The following DNAJB12 variants were observed in gnomAD, a reference collection of about 807,000 sequenced individuals.
DNAJB12 encodes DnaJ heat shock protein family (Hsp40) member B12.
Under a neutral mutation model 40.6 loss-of-function variants are expected in DNAJB12, and 14 were observed. That is an observed-to-expected ratio of 0.34 (90% CI 0.23 to 0.54). DNAJB12 has a LOEUF of 0.54. Ranked by LOEUF, DNAJB12 falls within the 20% of genes least tolerant of loss-of-function variation. DNAJB12 has a pLI of 0.92. For synonymous variants in DNAJB12, 181 were observed against 199.5 expected, an observed-to-expected ratio of 0.91 and a Z score of 0.78; for missense variants, 444 against 501.7, an observed-to-expected ratio of 0.89 and a Z score of 1.10.
chr10:72,344,482 G>T (rs1333212447), intron 2 of DNAJB12, among the ~76,000 whole-genome samples: 1 of 152,218 alleles, frequency 6.6e-6, no homozygotes, highest in Admixed American at 6.5e-5. Flanking sequence ...GCTACTCTGC[G>T]TGGGGCCTGC....
At chr10:72,341,464 CTTTT>C (rs758003792) in intron 3 of DNAJB12, among the ~76,000 whole-genome samples, 6 of 152,116 alleles carry the variant, frequency 3.9e-5, no homozygotes, top group Non-Finnish European at 5.9e-5. Context: ...TCATTTACTT[CTTTT>C]TGTTTGTTTA....
At chr10:72,349,194 G>A (rs962516134) in intron 1 of DNAJB12, among the ~76,000 whole-genome samples, 5 of 152,156 alleles carry the variant, frequency 3.3e-5, no homozygotes, top group East Asian at 1.9e-4. Context: ...GTTTCGTCAC[G>A]GTGGCGGAGG....
rs769695475 is a variant in DNAJB12, at chr10:72,338,306, C to T, written c.729G>A (p.Gly243=). ...GCATCAGCTGCACAAACACCCCTAG[C>T]CCGCCCTGGAGGGAAGAGCCAATGT... ...QDRRDNQGDG[G]LGVFVQLMPI... is the part of the protein sequence containing the mutation. The change falls in exon 6 of 9, where the codon GGG becomes GGA. Residue 243 remains glycine, a synonymous_variant. Transcript: ENST00000444643. The T allele has an allele frequency of 9.9e-6, 16 of 1,613,830 alleles. No individual in the cohort carries two copies. The African/African-American group carries it at 2.0e-4, about 20-fold the overall frequency.
In DNAJB12 at chr10:72,336,580, A is replaced by G; in HGVS notation, c.950T>C (p.Val317Ala). Residue 317 changes from valine to alanine, a missense_variant, in exon 7 of 9, where the codon GTG (valine) becomes GCG (alanine). By Grantham distance (64) the Val-to-Ala change is moderately conservative (BLOSUM62 0). Transcript: ENST00000444643. ...GAGGTTGGCGATATAATCATCTTCC[A>G]CATTCCGCTCGACTGTTTTGAGGCT... ...GSSLKTVERN[V>A]EDDYIANLRN... is the part of the protein sequence containing the mutation. The G allele has an allele frequency of 6.2e-7, 1 of 1,614,046 alleles. No individual in the cohort carries two copies. Among genetic ancestry groups the G allele is most frequent in the Non-Finnish European group, 8.5e-7 (1 of 1,179,956 alleles).
At position 72,343,500 on chromosome 10, in the gene DNAJB12, C is replaced by G; in HGVS notation, c.323G>C (p.Cys108Ser). ...CCCCAGGATCTCATAGTAATCTTTA[C>G]ATTGCTTGACCCTGGGGAAGGAGGA... ...QVAAVKRVKQ[C>S]KDYYEILGVS... Residue 108 changes from cysteine to serine, a missense_variant, in exon 3 of 9, where the codon TGT (cysteine) becomes TCT (serine). Cys to Ser is a moderately radical substitution (Grantham distance 112). Coordinates refer to ENST00000444643, the MANE Select transcript of DNAJB12 (RefSeq NM_017626.7). 1 of 1,614,158 alleles carries G rather than the reference C, an allele frequency of 6.2e-7. No individual in the cohort carries two copies. Among genetic ancestry groups the G allele is most frequent in the Non-Finnish European group, 8.5e-7 (1 of 1,180,016 alleles).
In DNAJB12 at chr10:72,334,637, CAGT is replaced by C. The variant is rs1220436557; in HGVS notation, c.*31-23_*31-21del. On this transcript the variant is annotated intron_variant, in intron 8 of 8. Coordinates refer to ENST00000444643, the MANE Select transcript of DNAJB12 (RefSeq NM_017626.7). Reference sequence around the variant, plus strand: ...CATAGTCTGGGGAGGAGAGTGGCAACAGTTAGCTCGGCATTCAGGCGGCACCGG... The same window carrying C: ...CATAGTCTGGGGAGGAGAGTGGCAACTAGCTCGGCATTCAGGCGGCACCGG... 1 of 1,526,006 alleles carries C rather than the reference CAGT, an allele frequency of 6.6e-7. No individual in the cohort carries two copies. Among genetic ancestry groups the C allele is most frequent in the Non-Finnish European group, 8.7e-7 (1 of 1,143,678 alleles). The allele number at this position is 1,526,006 out of a possible 1,614,324, so 94.5% of individuals were successfully genotyped here. A position where few individuals can be genotyped will look rare whatever the true frequency, so the allele number is the denominator to read the frequency against.
chr10:72,347,572 G>A (rs913445378), intron 1 of DNAJB12, among the ~76,000 whole-genome samples: 1 of 152,192 alleles, frequency 6.6e-6, no homozygotes, highest in Non-Finnish European at 1.5e-5. Context: ...TCAATGTCTG[G>A]AGTCTATACA....
At chr10:72,336,879 A>G (rs986115836) in intron 6 of DNAJB12, 183 bp from the exon 7 acceptor site, 15 of 532,476 alleles carry the variant, frequency 2.8e-5, no homozygotes, top group Non-Finnish European at 5.0e-5. Context: ...GCGTCCTCCC[A>G]CACACGTGGC....
intron 5 of DNAJB12, among the ~76,000 whole-genome samples, chr10:72,340,301 G>A (rs1009921293): frequency 1.3e-5 from 2 of 151,840 alleles, no homozygotes; most frequent in African/African-American, 2.4e-5. Context: ...CCGAGATCGC[G>A]CCACTGCACT....
chr10:72,354,837 T>C lies in DNAJB12; in HGVS notation c.61A>G (p.Ser21Gly), dbSNP rs1264104686. ...CISIALKAIQ[S>G]NQPDRALRFL... is the part of the protein sequence containing the mutation. ...CGGAGCGCCCGGTCGGGCTGGTTGC[T>C]CTGGATGGCCTTGAGGGCGATGCTG... The change falls in exon 1 of 9, where the codon AGC (serine) becomes GGC (glycine). Residue 21 changes from serine (S) to glycine (G), a missense_variant. Ser to Gly is a moderately conservative substitution (Grantham distance 56). Transcript: ENST00000444643. The C allele has an allele frequency of 1.9e-6, 3 of 1,613,960 alleles. No individual in the cohort carries two copies. In the African/African-American group the frequency reaches 4.0e-5, roughly 22 times the overall value.
At chr10:72,342,460 G>A (rs1211441533) in intron 3 of DNAJB12, among the ~76,000 whole-genome samples, 1 of 152,198 alleles carries the variant, frequency 6.6e-6, no homozygotes, top group Non-Finnish European at 1.5e-5. Flanking sequence ...GCAGGCAGAG[G>A]CTGGGGCTGG....
intron 1 of DNAJB12, chr10:72,354,465 G>C: frequency 2.5e-6 from 1 of 399,502 alleles, no homozygotes; most frequent in East Asian, 4.3e-5. Context: ...TTCACTTCCA[G>C]GTAAGTTCCC....
At chr10:72,342,915 G>C (rs2131991171) in intron 3 of DNAJB12, among the ~76,000 whole-genome samples, 1 of 152,342 alleles carries the variant, frequency 6.6e-6, no homozygotes, top group East Asian at 1.9e-4. Context: ...GTATGGCGGG[G>C]GAGCTGGCTG....
intron 1 of DNAJB12, among the ~76,000 whole-genome samples, chr10:72,347,726 C>T (rs1861829658): frequency 2.0e-5 from 3 of 152,122 alleles, no homozygotes; most frequent in Middle Eastern, 3.2e-3. Flanking sequence ...CCAGCCTGGC[C>T]AACATGGTGA....
rs1861398740 is a variant in DNAJB12 at position 72,334,164 on chromosome 10, A to G, written c.*484T>C. The G allele has an allele frequency of 4.6e-6, 1 of 215,834 alleles. No homozygotes were observed. Among genetic ancestry groups the G allele is most frequent in the Admixed American group, 5.5e-5 (1 of 18,286 alleles). 13.4% of individuals were successfully genotyped at this position (215,834 alleles called of 1,614,324 possible). A position where few individuals can be genotyped will look rare whatever the true frequency, so the allele number is the denominator to read the frequency against. On this transcript the variant is annotated 3_prime_UTR_variant, in exon 9 of 9. Transcript: ENST00000444643. ...TGCCTATTTACATATAAATAGATAT[A>G]TATACATATACACGCATCTATAAAT...
At chr10:72,354,441 A>C in intron 1 of DNAJB12, 1 of 310,044 alleles carries the variant, frequency 3.2e-6, no homozygotes. Context: ...GCCCCTTGGG[A>C]AAAGTAGTTC....
intron 1 of DNAJB12, among the ~76,000 whole-genome samples, chr10:72,346,802 G>T (rs1393632078): frequency 1.3e-5 from 2 of 152,014 alleles, no homozygotes; most frequent in Non-Finnish European, 2.9e-5. Flanking sequence ...TTCTTTCAGT[G>T]TATTTGGTTT....
intron 6 of DNAJB12, 87 bp downstream of exon 6, chr10:72,338,115 G>T: frequency 8.8e-7 from 1 of 1,136,004 alleles, no homozygotes; most frequent in Non-Finnish European, 1.3e-6. Flanking sequence ...ACACTGGCTG[G>T]ATCAGGATGG....
intron 1 of DNAJB12, among the ~76,000 whole-genome samples, chr10:72,351,588 G>T (rs1238761586): frequency 1.3e-5 from 2 of 152,218 alleles, no homozygotes; most frequent in Non-Finnish European, 2.9e-5. Flanking sequence ...ACCTCTCCAT[G>T]GCTACCTGGC....
Sources: allele counts gnomAD v4.1 joint callset (sites outside exome capture counted in the v4.1 genomes callset), GRCh38; gene constraint gnomAD v4.1.1; transcripts MANE v1.5; gene names NCBI Gene and HGNC (gene_info 2026-07-23, HGNC 2026-07-21).